CHRM3: variants seen among roughly 807,000 people sequenced by gnomAD.
CHRM3 encodes muscarinic acetylcholine receptor M3.
CHRM3 carries 11 observed loss-of-function variants against 41.8 expected under a neutral mutation model. The ratio of observed to expected loss-of-function variants is 0.26; its 90% CI spans 0.17 to 0.44. The LOEUF (loss-of-function observed/expected upper bound fraction) is 0.44, where lower values mean the gene tolerates loss of function less well. CHRM3 is among the 20% of genes least tolerant of loss of function. The pLI is 1.00. For synonymous variants in CHRM3, 297 were observed against 301.4 expected (o/e 0.99, Z 0.15); for missense variants, 571 against 745.4 (o/e 0.77, Z 2.72).
At chr1:239,874,326 T>TATATATACAC (rs1327295792) in intron 6 of CHRM3, among the ~76,000 whole-genome samples, 4 of 121,978 alleles carry the variant, frequency 3.3e-5, no homozygotes, top group African/African-American at 9.2e-5. Context: ...TATATATATA[T>TATATATACAC]ACACAGTTGA....
chr1:239,859,971 G>A (rs922438052), intron 6 of CHRM3, among the ~76,000 whole-genome samples: 1 of 151,948 alleles, frequency 6.6e-6, no homozygotes, highest in Non-Finnish European at 1.5e-5. Flanking sequence ...AAGACCTTCA[G>A]GAATACTCTG....
At chr1:239,801,272 C>T (rs754450234) in intron 5 of CHRM3, among the ~76,000 whole-genome samples, 1 of 152,208 alleles carries the variant, frequency 6.6e-6, no homozygotes, top group African/African-American at 2.4e-5. Flanking sequence ...ATACACACCT[C>T]TCTGACATTA....
chr1:239,529,856 C>T (rs1314097621), intron 2 of CHRM3, among the ~76,000 whole-genome samples: 1 of 152,006 alleles, frequency 6.6e-6, no homozygotes. Flanking sequence ...ACTAGACAAA[C>T]TTTATTTGAC....
intron 5 of CHRM3, among the ~76,000 whole-genome samples, chr1:239,688,260 A>G (rs1042057621): frequency 1.4e-5 from 2 of 147,786 alleles, no homozygotes; most frequent in Non-Finnish European, 3.0e-5. Flanking sequence ...TAAATAATAT[A>G]TAATACATAT....
chr1:239,453,122 C>T (rs1052674410), intron 1 of CHRM3, among the ~76,000 whole-genome samples: 6 of 152,162 alleles, frequency 3.9e-5, no homozygotes, highest in African/African-American at 1.2e-4. Flanking sequence ...TAATTATATG[C>T]TGGGGGATGA....
At chr1:239,649,444 C>A (rs368782393) in intron 4 of CHRM3, among the ~76,000 whole-genome samples, 1 of 151,574 alleles carries the variant, frequency 6.6e-6, no homozygotes, top group South Asian at 2.1e-4. Flanking sequence ...ATAGAAAAGA[C>A]GTAAGTCTGA....
chr1:239,506,660 A>G (rs922300565), intron 2 of CHRM3, among the ~76,000 whole-genome samples: 1 of 152,168 alleles, frequency 6.6e-6, no homozygotes, highest in African/African-American at 2.4e-5. Context: ...GGCACTGCCT[A>G]GTGGAGCTGT....
intron 3 of CHRM3, among the ~76,000 whole-genome samples, chr1:239,610,124 C>T (rs1175863867): frequency 3.2e-5 from 4 of 125,152 alleles, no homozygotes; most frequent in Non-Finnish European, 3.2e-5. Flanking sequence ...ACCTGGGAGG[C>T]GGGGCTTGCA....
intron 5 of CHRM3, among the ~76,000 whole-genome samples, chr1:239,702,616 C>G (rs574914733): frequency 2.6e-5 from 4 of 152,080 alleles, no homozygotes; most frequent in Admixed American, 2.6e-4. Flanking sequence ...TTGCTTTTTT[C>G]TTTTTCTTCA....
chr1:239,827,974 T>G (rs532014010), intron 6 of CHRM3, among the ~76,000 whole-genome samples: 1 of 152,368 alleles, frequency 6.6e-6, no homozygotes, highest in Non-Finnish European at 1.5e-5. Context: ...ACAATTTAAC[T>G]TTGTGTTTCA....
At chr1:239,523,177 CA>C (rs1481251513) in intron 2 of CHRM3, among the ~76,000 whole-genome samples, 1 of 151,996 alleles carries the variant, frequency 6.6e-6, no homozygotes, top group African/African-American at 2.4e-5. Context: ...GCTATATACA[CA>C]TGCACATAGA....
At chr1:239,717,987 C>T (rs1662559939) in intron 5 of CHRM3, among the ~76,000 whole-genome samples, 1 of 152,032 alleles carries the variant, frequency 6.6e-6, no homozygotes, top group Admixed American at 6.6e-5. Context: ...TGTTTACTGA[C>T]AAGTAAATGG....
chr1:239,708,736 C>CTTTTTTTTTTTTT lies in CHRM3; in HGVS notation c.-147+30463_-147+30475dup, dbSNP rs869143310. Among the ~76,000 whole-genome samples the CTTTTTTTTTTTTT allele has an allele frequency of 5.0e-3, 243 of 48,358 alleles. 39 individuals carry two copies. Among genetic ancestry groups the CTTTTTTTTTTTTT allele is most frequent in the Admixed American group, 6.3e-3 (17 of 2,690 alleles). The allele number at this position is 48,358 out of a possible 152,430, so 31.7% of individuals were successfully genotyped here. A position where few individuals can be genotyped will look rare whatever the true frequency, so the allele number is the denominator to read the frequency against. ...CTTTGTTTCTTCTGGTTTAAATTTT[C>CTTTTTTTTTTTTT]TTTTTTTTTTTTTTTTTTTTTTTTT... On this transcript the variant is annotated intron_variant, in intron 5 of 6. Coordinates refer to ENST00000676153, the MANE Select transcript of CHRM3 (RefSeq NM_001375978.1).
rs186739931 is a variant in CHRM3, at chr1:239,635,846, G to C, written c.-250+3560G>C. ...AAGAGGCTTAGTAAATGTTTGTTGA[G>C]TAAATGAATATAGAGTCAGAAAATG... On this transcript the variant is annotated intron_variant, in intron 4 of 6. Coordinates refer to ENST00000676153, the MANE Select transcript of CHRM3 (RefSeq NM_001375978.1). 1.8e-4 allele frequency among the ~76,000 whole-genome samples: 27 copies of C among 152,206 alleles called. No individual in the cohort carries two copies. In the East Asian group the frequency reaches 5.0e-3, roughly 28 times the overall value.
chr1:239,516,056 T>G (rs548757856), intron 2 of CHRM3, among the ~76,000 whole-genome samples: 1 of 152,332 alleles, frequency 6.6e-6, no homozygotes, highest in East Asian at 1.9e-4. Flanking sequence ...TCTGTCTCTT[T>G]CTCGCTCTCT....
At chr1:239,742,294 G>A (rs557682721) in intron 5 of CHRM3, among the ~76,000 whole-genome samples, 198 of 152,092 alleles carry the variant, frequency 1.3e-3, no homozygotes, top group Non-Finnish European at 2.3e-3. Flanking sequence ...ACCATTGCTC[G>A]TATTTCTTCA....
chr1:239,604,520 C>A (rs1666007321), intron 3 of CHRM3, among the ~76,000 whole-genome samples: 1 of 152,176 alleles, frequency 6.6e-6, no homozygotes, highest in South Asian at 2.1e-4. Flanking sequence ...ATACTTACTT[C>A]TCTGAGATTT....
intron 2 of CHRM3, among the ~76,000 whole-genome samples, chr1:239,544,921 G>A (rs944086563): frequency 1.3e-5 from 2 of 152,204 alleles, no homozygotes; most frequent in Non-Finnish European, 2.9e-5. Context: ...TGGTAAAGCA[G>A]CACGTTCTAT....
intron 3 of CHRM3, among the ~76,000 whole-genome samples, chr1:239,565,125 G>A (rs946673443): frequency 6.6e-6 from 1 of 152,252 alleles, no homozygotes; most frequent in Non-Finnish European, 1.5e-5. Context: ...GAGGATACAC[G>A]TGATGACCAT....
Sources: gnomAD v4.1 joint callset for allele counts (sites outside exome capture counted in the v4.1 genomes callset) on GRCh38, gnomAD v4.1.1 for gene constraint, MANE v1.5 for transcripts, NCBI Gene and HGNC (gene_info 2026-07-23, HGNC 2026-07-21) for gene names.